Variants in INTS4 observed in about 807,000 individuals in gnomAD.
INTS4 encodes the protein integrator complex subunit 4.
In INTS4, 70 loss-of-function variants were observed where a neutral mutation model predicts 119.5. That is an observed-to-expected ratio of 0.59 (90% CI 0.48 to 0.71). INTS4 has a LOEUF of 0.71. Ranked by LOEUF, INTS4 falls within the 30% of genes least tolerant of loss-of-function variation. The probability of loss-of-function intolerance (pLI) is 0.00; values close to 1 mark genes in which losing one functional copy is unlikely to be tolerated. For synonymous variants in INTS4, 316 were observed against 419.6 expected (o/e 0.75, Z 3.02); for missense variants, 867 against 1,173.2 (o/e 0.74, Z 3.81).
chr11:77,914,401 G>A (rs1196546950), intron 15 of INTS4, among the ~76,000 whole-genome samples: 1 of 152,248 alleles, frequency 6.6e-6, no homozygotes, highest in African/African-American at 2.4e-5. Context: ...GTTTATTTAG[G>A]TGGGGATGAG....
At position 77,878,889 on chromosome 11, in the gene INTS4, G is replaced by T; in HGVS notation, c.*60C>A. Reference sequence around the variant, plus strand: ...ATTCCAGGTGAAGTGCTTCAGGCTTGGCTCATTCTGACACCTAAGAAGGGC... The same window carrying T: ...ATTCCAGGTGAAGTGCTTCAGGCTTTGCTCATTCTGACACCTAAGAAGGGC... On this transcript the variant is annotated 3_prime_UTR_variant, in exon 23 of 23. Transcript: ENST00000534064. 1 of 1,273,552 alleles carries T rather than the reference G, an allele frequency of 7.9e-7. No individual in the cohort carries two copies. Among genetic ancestry groups the T allele is most frequent in the Non-Finnish European group, 1.1e-6 (1 of 871,362 alleles). 78.9% of individuals were successfully genotyped at this position (1,273,552 alleles called of 1,614,324 possible).
intron 4 of INTS4, among the ~76,000 whole-genome samples, chr11:77,975,872 C>T (rs1855929655): frequency 1.3e-5 from 2 of 151,938 alleles, no homozygotes; most frequent in African/African-American, 2.4e-5. Flanking sequence ...AGGAGAATTG[C>T]CTGAACCCGG....
At chr11:77,897,054 T>C (rs1159143350) in intron 18 of INTS4, among the ~76,000 whole-genome samples, 1 of 151,998 alleles carries the variant, frequency 6.6e-6, no homozygotes, top group Non-Finnish European at 1.5e-5. Context: ...TCTATGAACC[T>C]ATTCTGGTGT....
intron 1 of INTS4, among the ~76,000 whole-genome samples, chr11:77,992,469 G>A (rs985249159): frequency 6.6e-5 from 10 of 152,120 alleles, no homozygotes; most frequent in Admixed American, 2.6e-4. Flanking sequence ...GGGAGGCTGA[G>A]GCAGGAGGAT....
At chr11:77,882,514 C>A (rs540633568) in intron 22 of INTS4, among the ~76,000 whole-genome samples, 124 of 152,298 alleles carry the variant, frequency 8.1e-4, no homozygotes, top group Middle Eastern at 6.8e-3. Flanking sequence ...TCCCCATGTC[C>A]GGGATCCCTT....
chr11:77,937,788 G>C (rs1354661906), intron 10 of INTS4, among the ~76,000 whole-genome samples: 1 of 151,438 alleles, frequency 6.6e-6, no homozygotes, highest in Non-Finnish European at 1.5e-5. Context: ...TATTAATCTA[G>C]AATTGTATTC....
intron 8 of INTS4, among the ~76,000 whole-genome samples, chr11:77,945,588 G>A (rs1954028964): frequency 6.6e-6 from 1 of 152,082 alleles, no homozygotes; most frequent in African/African-American, 2.4e-5. Context: ...CAGAAAACAG[G>A]CAGACATGCA....
chr11:77,943,921 C>T (rs1220037511), intron 8 of INTS4, among the ~76,000 whole-genome samples: 3 of 152,170 alleles, frequency 2.0e-5, no homozygotes, highest in South Asian at 2.1e-4. Flanking sequence ...TGCATTTACC[C>T]TGGGAAAGAC....
chr11:77,990,120 G>A (rs1205547181), intron 2 of INTS4, among the ~76,000 whole-genome samples: 1 of 150,970 alleles, frequency 6.6e-6, no homozygotes, highest in African/African-American at 2.4e-5. Flanking sequence ...TCTGGAGGCT[G>A]ACGCAGGAGA....
intron 22 of INTS4, 60 bp downstream of exon 22, chr11:77,883,772 A>G (rs563437501): frequency 1.3e-6 from 2 of 1,567,112 alleles, no homozygotes; most frequent in East Asian, 4.5e-5. Flanking sequence ...CCAAACGCTT[A>G]AGGGTAGGTG....
At chr11:77,922,655 A>T (rs1193021029) in intron 12 of INTS4, 184 bp from the exon 13 acceptor site, 17 of 895,938 alleles carry the variant, frequency 1.9e-5, no homozygotes, top group Admixed American at 1.2e-4. Flanking sequence ...TCATCTAAAA[A>T]AACTGGTTAT....
At chr11:77,956,710 AAATAATAATAATAATAATAAT>A (rs199933134) in intron 7 of INTS4, among the ~76,000 whole-genome samples, 3,790 of 97,682 alleles carry the variant, frequency 0.039, 355 homozygotes, top group African/African-American at 0.14. Flanking sequence ...CCATCTCAAA[AAATAATAATAATAATAATAAT>A]AATAATAATA....
chr11:77,902,446 GAA>G (rs1389960146), intron 17 of INTS4, among the ~76,000 whole-genome samples: 1 of 152,120 alleles, frequency 6.6e-6, no homozygotes, highest in Non-Finnish European at 1.5e-5. Flanking sequence ...CCAGGTCTGA[GAA>G]AGAGTCTGGA....
intron 21 of INTS4, chr11:77,884,817 C>T (rs764853264): frequency 2.5e-5 from 10 of 406,360 alleles, no homozygotes; most frequent in Non-Finnish European, 3.6e-5. Context: ...TGCAGTGGCA[C>T]GATCATAACT....
chr11:77,904,455 C>T (rs1212228244), intron 16 of INTS4, among the ~76,000 whole-genome samples: 1 of 152,140 alleles, frequency 6.6e-6, no homozygotes, highest in Non-Finnish European at 1.5e-5. Context: ...TTTCACCATG[C>T]AGTATTTTTT....
intron 8 of INTS4, among the ~76,000 whole-genome samples, chr11:77,948,368 T>C (rs1954097950): frequency 6.6e-6 from 1 of 152,106 alleles, no homozygotes; most frequent in Non-Finnish European, 1.5e-5. Flanking sequence ...TGAATATAGC[T>C]GGGCGCGGTG....
intron 18 of INTS4, chr11:77,900,809 CA>C (rs1565232768): frequency 1.7e-6 from 1 of 592,458 alleles, no homozygotes. Context: ...GAAAGTCTTA[CA>C]GATATAATTA....
chr11:77,989,117 AAAC>A (rs1455140899), intron 2 of INTS4, among the ~76,000 whole-genome samples: 4 of 152,244 alleles, frequency 2.6e-5, no homozygotes, highest in Admixed American at 6.5e-5. Flanking sequence ...AAAAAAAAGA[AAAC>A]AACAAAAAGG....
intron 10 of INTS4, among the ~76,000 whole-genome samples, chr11:77,938,397 T>A (rs960031282): frequency 6.6e-6 from 1 of 152,214 alleles, no homozygotes; most frequent in African/African-American, 2.4e-5. Flanking sequence ...GAAAGATAGT[T>A]ATTATTATCC....
Sources: gnomAD v4.1 joint callset for allele counts (sites outside exome capture counted in the v4.1 genomes callset) on GRCh38, gnomAD v4.1.1 for gene constraint, MANE v1.5 for transcripts, NCBI Gene and HGNC (gene_info 2026-07-23, HGNC 2026-07-21) for gene names.